NAV2: variants seen among roughly 807,000 people sequenced by gnomAD.
NAV2 encodes helicase, APC down-regulated 1.
Under a neutral mutation model 223.2 loss-of-function variants are expected in NAV2, and 54 were observed. The ratio of observed to expected loss-of-function variants is 0.24; its 90% CI spans 0.19 to 0.30. NAV2 has a LOEUF of 0.30. NAV2 is among the 10% of genes least tolerant of loss of function. The pLI is 1.00. For synonymous variants in NAV2, 1,279 were observed against 1,239.3 expected, an observed-to-expected ratio of 1.03 and a Z score of -0.67; for missense variants, 2,806 against 3,147.5, an observed-to-expected ratio of 0.89 and a Z score of 2.60.
At chr11:19,472,798 T>A (rs1204319243) in intron 1 of NAV2, among the ~76,000 whole-genome samples, 1 of 152,114 alleles carries the variant, frequency 6.6e-6, no homozygotes, top group African/African-American at 2.4e-5. Flanking sequence ...CTGCCTGAAG[T>A]TTCAGTGGTA....
chr11:19,897,309 C>T (rs2042072432), intron 6 of NAV2, among the ~76,000 whole-genome samples: 1 of 151,984 alleles, frequency 6.6e-6, no homozygotes, highest in African/African-American at 2.4e-5. Flanking sequence ...GTTCAGCACA[C>T]CAACATGGCA....
intron 1 of NAV2, among the ~76,000 whole-genome samples, chr11:19,473,092 A>G (rs1184714854): frequency 6.6e-6 from 1 of 152,122 alleles, no homozygotes; most frequent in Non-Finnish European, 1.5e-5. Flanking sequence ...CCTCAGACCC[A>G]TACAGCTTCT....
chr11:19,611,330 C>A (rs1353819438), intron 1 of NAV2, among the ~76,000 whole-genome samples: 2 of 151,958 alleles, frequency 1.3e-5, no homozygotes, highest in African/African-American at 4.8e-5. Flanking sequence ...CACCCCTGGC[C>A]CCTTCAAATC....
chr11:19,475,504 T>A (rs933774398), intron 1 of NAV2, among the ~76,000 whole-genome samples: 1 of 152,196 alleles, frequency 6.6e-6, no homozygotes, highest in Non-Finnish European at 1.5e-5. Context: ...ATGGTCTATT[T>A]TGTTTGGATT....
At chr11:19,831,476 G>A (rs1364265779) in intron 1 of NAV2, among the ~76,000 whole-genome samples, 1 of 151,918 alleles carries the variant, frequency 6.6e-6, no homozygotes, top group Non-Finnish European at 1.5e-5. Context: ...TTCTCCTTTT[G>A]ACCAATCATT....
chr11:19,833,168 C>T (rs544340460), intron 2 of NAV2, among the ~76,000 whole-genome samples: 1 of 152,346 alleles, frequency 6.6e-6, no homozygotes, highest in East Asian at 1.9e-4. Context: ...TGGGTGGATA[C>T]TGGCCACAGC....
At chr11:19,896,600 A>G (rs1361525972) in intron 6 of NAV2, among the ~76,000 whole-genome samples, 1 of 152,236 alleles carries the variant, frequency 6.6e-6, no homozygotes, top group Non-Finnish European at 1.5e-5. Flanking sequence ...TAATGTCCCC[A>G]AGGGTCATCC....
At chr11:19,424,528 A>G (rs1432413367) in intron 1 of NAV2, among the ~76,000 whole-genome samples, 1 of 152,118 alleles carries the variant, frequency 6.6e-6, no homozygotes, top group Non-Finnish European at 1.5e-5. Flanking sequence ...AGAATTTGGA[A>G]TAGGATTAGT....
At chr11:19,486,356 T>C (rs1419538407) in intron 1 of NAV2, among the ~76,000 whole-genome samples, 1 of 152,176 alleles carries the variant, frequency 6.6e-6, no homozygotes, top group Non-Finnish European at 1.5e-5. Flanking sequence ...TTTCTGGTAC[T>C]TCTGCCTTAG....
intron 22 of NAV2, among the ~76,000 whole-genome samples, chr11:20,070,789 G>T (rs879901712): frequency 1.1e-4 from 16 of 152,018 alleles, no homozygotes; most frequent in Non-Finnish European, 1.9e-4. Flanking sequence ...ACCAGGCTTG[G>T]AACAGCCTCC....
chr11:19,766,124 A>G (rs2055202817), intron 1 of NAV2, among the ~76,000 whole-genome samples: 1 of 151,898 alleles, frequency 6.6e-6, no homozygotes, highest in Admixed American at 6.6e-5. Flanking sequence ...TTTTAATTAT[A>G]TAATATATAA....
chr11:19,561,896 C>T (rs949082152), intron 1 of NAV2, among the ~76,000 whole-genome samples: 3 of 152,194 alleles, frequency 2.0e-5, no homozygotes, highest in African/African-American at 7.2e-5. Context: ...CCCAGGCTAC[C>T]ATCCCTGGGG....
At chr11:19,990,816 C>T (rs1778278480) in intron 11 of NAV2, among the ~76,000 whole-genome samples, 2 of 152,140 alleles carry the variant, frequency 1.3e-5, no homozygotes, top group African/African-American at 2.4e-5. Context: ...CTCAAAAGTC[C>T]CATGTGGCCA....
rs201609083 is a variant in NAV2 at position 20,080,177 on chromosome 11, A to G, written c.5293A>G (p.Ser1765Gly). 1.9e-6 allele frequency: 3 copies of G among 1,613,936 alleles called. No individual in the cohort carries two copies. The East Asian group carries it at 6.7e-5, about 36-fold the overall frequency. ...CTCCAGCGTGGGCAGCAACATAGAG[A>G]GTGACTCAAAGAAGAAGAAGCGGAA... ...SHSSVGSNIE[S>G]DSKKKKRKNW... Residue 1765 changes from serine to glycine, a missense_variant, in exon 25 of 38, where the codon AGT becomes GGT. Ser to Gly is a moderately conservative substitution (Grantham distance 56). This residue lies in a region of NAV2 where 824 missense variants were observed against 1,069.4 expected (regional missense o/e 0.77). Coordinates refer to ENST00000349880, the MANE Select transcript of NAV2 (RefSeq NM_145117.5).
At chr11:19,974,937 A>T (rs1421816773) in intron 10 of NAV2, among the ~76,000 whole-genome samples, 1 of 152,200 alleles carries the variant, frequency 6.6e-6, no homozygotes, top group African/African-American at 2.4e-5. Context: ...TATGAAGCTG[A>T]GGCCTTGGAA....
At chr11:19,845,766 G>C (rs370131910) in intron 3 of NAV2, among the ~76,000 whole-genome samples, 1 of 152,192 alleles carries the variant, frequency 6.6e-6, no homozygotes, top group South Asian at 2.1e-4. Context: ...GGATAGGGAA[G>C]TAAAAGCAGA....
rs200239971 is a variant in NAV2 at position 20,095,740 on chromosome 11, C to T, written c.5985C>T (p.Leu1995=). The change falls in exon 30 of 38, where the codon CTC becomes CTT. Residue 1995 remains leucine (L), a synonymous_variant. Transcript: ENST00000349880. ...GVSGKTKWDV[L]DGVVRRLFKE... is the part of the protein sequence containing the mutation. ...GTGGCAAGACGAAGTGGGATGTGCT[C>T]GATGGGGTGGTTAGACGGCTGTTCA... 2.4e-5 allele frequency: 38 copies of T among 1,613,914 alleles called. No individual in the cohort carries two copies. The East Asian group carries it at 3.6e-4, about 15-fold the overall frequency.
At chr11:19,768,060 A>G (rs2055371724) in intron 1 of NAV2, among the ~76,000 whole-genome samples, 1 of 152,254 alleles carries the variant, frequency 6.6e-6, no homozygotes, top group Non-Finnish European at 1.5e-5. Context: ...CCTGGGAAAC[A>G]GGGAGTGATG....
intron 19 of NAV2, among the ~76,000 whole-genome samples, chr11:20,061,563 C>A (rs2058706553): frequency 7.1e-6 from 1 of 141,032 alleles, no homozygotes. Flanking sequence ...AGTGAAACTC[C>A]ATCTCAAAAA....
Sources: gnomAD v4.1 joint callset for allele counts (sites outside exome capture counted in the v4.1 genomes callset) on GRCh38, gnomAD v4.1.1 for gene constraint, gnomAD v4.1.1 regional missense constraint, MANE v1.5 for transcripts, NCBI Gene and HGNC (gene_info 2026-07-23, HGNC 2026-07-21) for gene names.